Variants in PIEZO2 observed in about 807,000 individuals in gnomAD.
PIEZO2 encodes piezo-type mechanosensitive ion channel component 2.
A neutral mutation model predicts 337.3 loss-of-function variants in PIEZO2; 172 were observed. That is an observed-to-expected ratio of 0.51 (90% CI 0.45 to 0.58). The LOEUF is 0.58. Ranked by LOEUF, PIEZO2 falls within the 20% of genes least tolerant of loss-of-function variation. The probability of loss-of-function intolerance (pLI) is 0.00; values close to 1 mark genes in which losing one functional copy is unlikely to be tolerated. For synonymous variants in PIEZO2, 1,251 were observed against 1,228.5 expected (o/e 1.02, Z -0.38); for missense variants, 3,028 against 3,391.3 (o/e 0.89, Z 2.66).
At chr18:10,728,529 T>C (rs1213885980) in intron 36 of PIEZO2, 1 of 152,174 alleles carries the variant, frequency 6.6e-6, no homozygotes, top group East Asian at 1.9e-4. Context: ...GAATAAATTA[T>C]GCATATCTGC....
At position 11,125,745 on chromosome 18, in the gene PIEZO2, G is replaced by A. The variant is rs1369026470; in HGVS notation, c.64+22780C>T. 1.3e-5 allele frequency among the ~76,000 whole-genome samples: 2 copies of A among 152,194 alleles called. No individual in the cohort carries two copies. The highest frequency in any genetic ancestry group is 2.1e-4 in the South Asian group (1 of 4,824). ...TCCAGCCCCCACTGACAGCAACTCC[G>A]GATCCTCTCTCTGAGCAGTGCCAAT... is the stretch of plus-strand genomic sequence containing the variant. On this transcript the variant is annotated intron_variant, in intron 1 of 55. Coordinates refer to ENST00000674853, the MANE Select transcript of PIEZO2 (RefSeq NM_001378183.1). The surrounding 1 kb of genome is among the most constrained non-coding windows in gnomAD (Gnocchi z 4.4).
At chr18:10,926,981 T>C (rs1360915024) in intron 3 of PIEZO2, among the ~76,000 whole-genome samples, 1 of 152,222 alleles carries the variant, frequency 6.6e-6, no homozygotes, top group Non-Finnish European at 1.5e-5. Flanking sequence ...CCTATCTCCT[T>C]TTGTGAAAGA....
At chr18:10,763,300 A>C in intron 21 of PIEZO2, 1 of 586,258 alleles carries the variant, frequency 1.7e-6, no homozygotes, top group Non-Finnish European at 3.0e-6. Flanking sequence ...TATGTCTTGT[A>C]TGGCAGACAG....
Position 11,148,608 on chromosome 18 carries a change from G to C in PIEZO2, c.-20C>G, listed in dbSNP as rs1329539983. Reference sequence around the variant, plus strand: ...GGCCATCGCGTCGGTCCGGCGAGTCGGAGCAGAGGGGCGAGGCTCGAGGGT... The same window carrying C: ...GGCCATCGCGTCGGTCCGGCGAGTCCGAGCAGAGGGGCGAGGCTCGAGGGT... On this transcript the variant is annotated 5_prime_UTR_variant, in exon 1 of 56. Coordinates refer to ENST00000674853, the MANE Select transcript of PIEZO2 (RefSeq NM_001378183.1). The surrounding 1 kb of genome is among the most constrained non-coding windows in gnomAD (Gnocchi z 5.2). 4 of 1,536,590 alleles carry C rather than the reference G, an allele frequency of 2.6e-6. No individual in the cohort carries two copies. In the African/African-American group the frequency reaches 4.1e-5, roughly 16 times the overall value.
chr18:10,916,472 T>C lies in PIEZO2; in HGVS notation c.287-5244A>G, dbSNP rs920871168. On this transcript the variant is annotated intron_variant, in intron 3 of 55. Transcript: ENST00000674853. The stretch of plus-strand genomic sequence containing the variant: ...CTTGGTGAGAATTTGAGCATGGCGC[T>C]GGCGGCCCAGGAGTGCTGGGGGACC... Among the ~76,000 whole-genome samples the C allele has an allele frequency of 6.6e-5, 10 of 152,258 alleles. No homozygotes were observed. In the Middle Eastern group the frequency reaches 0.01, roughly 155 times the overall value.
rs2038177646 is a variant in PIEZO2 at position 10,762,520 on chromosome 18, G to C, written c.3229C>G (p.Pro1077Ala). Reference sequence around the variant, plus strand: ...ATTACCCTCAGGTAGACTAGCAGAGGCGAAGACTTCCGCAGGCCGACCCAC... The same window carrying C: ...ATTACCCTCAGGTAGACTAGCAGAGCCGAAGACTTCCGCAGGCCGACCCAC... ...TEWVGLRKSS[P>A]LLVYLRNNLL... The change falls in exon 23 of 56, where the codon CCT becomes GCT. Residue 1077 changes from proline to alanine, a missense_variant. Physicochemically the swap from Pro to Ala is conservative, Grantham distance 27 (BLOSUM62 -1). Transcript: ENST00000674853. The C allele has an allele frequency of 5.9e-6, 9 of 1,537,176 alleles. No individual in the cohort carries two copies. The highest frequency in any genetic ancestry group is 7.8e-6 in the Non-Finnish European group (9 of 1,146,924).
Position 10,752,731 on chromosome 18 carries a change from C to T in PIEZO2, c.4072G>A (p.Asp1358Asn). 18 of 1,537,232 alleles carry T rather than the reference C, an allele frequency of 1.2e-5. No homozygotes were observed. The highest frequency in any genetic ancestry group is 1.4e-5 in the Non-Finnish European group (16 of 1,146,906). ...CTCTTGATGGGTTTCAACAGCAAAT[C>T]GCCCCCAAAGAGCAGGAAGTAGAAA... is the stretch of plus-strand genomic sequence containing the variant. ...ACFYFLLFGGDLLLKPIKSIL... is the reference protein window; with the variant it reads ...ACFYFLLFGGNLLLKPIKSIL... The change falls in exon 28 of 56, where the codon GAT becomes AAT. Residue 1358 changes from aspartate to asparagine, a missense_variant. By Grantham distance (23) the Asp-to-Asn change is conservative. Coordinates refer to ENST00000674853, the MANE Select transcript of PIEZO2 (RefSeq NM_001378183.1).
rs2039707708 is a variant in PIEZO2 at position 11,110,773 on chromosome 18, C to T, written c.64+37752G>A. Among the ~76,000 whole-genome samples the T allele has an allele frequency of 6.6e-6, 1 of 152,038 alleles. No homozygotes were observed. On this transcript the variant is annotated intron_variant, in intron 1 of 55. Transcript: ENST00000674853. This position sits in a 1 kb window ranked among gnomAD's most constrained non-coding sequence, Gnocchi z 4.2. ...CAAGCTGATGGCAGGCAGCTCTGGCCCACGTGTGCGTTTCCTTTGGAACAC... is the reference window on the plus strand; with the variant it reads ...CAAGCTGATGGCAGGCAGCTCTGGCTCACGTGTGCGTTTCCTTTGGAACAC...
At chr18:10,710,267 C>G (rs1368745368) in intron 39 of PIEZO2, among the ~76,000 whole-genome samples, 1 of 152,148 alleles carries the variant, frequency 6.6e-6, no homozygotes, top group Non-Finnish European at 1.5e-5. Flanking sequence ...GGTAGGGCAA[C>G]TAATACATCA....
At position 10,993,509 on chromosome 18, in the gene PIEZO2, C is replaced by T. The variant is rs188116124; in HGVS notation, c.161-13849G>A. On this transcript the variant is annotated intron_variant, in intron 2 of 55. Transcript: ENST00000674853. The surrounding 1 kb of genome is among the most constrained non-coding windows in gnomAD (Gnocchi z 5.0). ...TTGGTTCTGTTTATGTGATAGATTA[C>T]GTTTTTGTTGTTGTTGTTGTTGTTG... is the stretch of plus-strand genomic sequence containing the variant. 1.8e-3 allele frequency among the ~76,000 whole-genome samples: 266 copies of T among 149,922 alleles called. No homozygotes were observed. Among genetic ancestry groups the T allele is most frequent in the Non-Finnish European group, 2.9e-3 (200 of 67,842 alleles).
chr18:10,739,411 T>C (rs1453907823), intron 33 of PIEZO2: 2 of 152,202 alleles, frequency 1.3e-5, no homozygotes, highest in Non-Finnish European at 2.9e-5. Flanking sequence ...GTAAGATAGT[T>C]ATCACAGACC....
chr18:10,937,065 T>C (rs1311873000), intron 3 of PIEZO2, among the ~76,000 whole-genome samples: 2 of 152,216 alleles, frequency 1.3e-5, no homozygotes, highest in African/African-American at 2.4e-5. Context: ...TCCAGCTTAC[T>C]GTCATCAAGA....
At chr18:10,873,913 G>C (rs529089185) in intron 4 of PIEZO2, among the ~76,000 whole-genome samples, 1 of 152,038 alleles carries the variant, frequency 6.6e-6, no homozygotes, top group African/African-American at 2.4e-5. Context: ...TCTGGACAAA[G>C]ATTTTTTTGG....
In PIEZO2 at chr18:10,830,143, C is replaced by A. The variant is rs557383859; in HGVS notation, c.918-22869G>T. Reference sequence around the variant, plus strand: ...ATAGGGAAGCCAGTAATTCATACATCTACAGTGAACTTGCTTTTGACAAAG... The same window carrying A: ...ATAGGGAAGCCAGTAATTCATACATATACAGTGAACTTGCTTTTGACAAAG... On this transcript the variant is annotated intron_variant, in intron 7 of 55. Transcript: ENST00000674853. The surrounding 1 kb of genome is among the most constrained non-coding windows in gnomAD (Gnocchi z 4.7). Among the ~76,000 whole-genome samples, 1 of 152,222 alleles carries A rather than the reference C, an allele frequency of 6.6e-6. No homozygotes were observed. Among genetic ancestry groups the A allele is most frequent in the East Asian group, 1.9e-4 (1 of 5,166 alleles).
At chr18:10,779,457 C>T (rs555341049) in intron 18 of PIEZO2, among the ~76,000 whole-genome samples, 17 of 152,244 alleles carry the variant, frequency 1.1e-4, no homozygotes, top group African/African-American at 2.6e-4. Context: ...ACCTATTGCA[C>T]GACATTTATC....
chr18:10,772,314 G>T (rs143882494), intron 20 of PIEZO2, among the ~76,000 whole-genome samples: 2 of 152,160 alleles, frequency 1.3e-5, no homozygotes, highest in Admixed American at 1.3e-4. Flanking sequence ...TGATTTAGAC[G>T]TGTAGCTGCC....
chr18:10,944,542 A>ATC (rs1429411392), intron 3 of PIEZO2, among the ~76,000 whole-genome samples: 12 of 140,878 alleles, frequency 8.5e-5, no homozygotes, highest in Non-Finnish European at 1.7e-4. Context: ...ATATATATAT[A>ATC]TATCTTAGTA....
At chr18:10,823,013 T>A (rs969168522) in intron 7 of PIEZO2, among the ~76,000 whole-genome samples, 1 of 152,204 alleles carries the variant, frequency 6.6e-6, no homozygotes, top group African/African-American at 2.4e-5. Context: ...AATACTAAGA[T>A]GATTTGAAAA....
Position 11,128,981 on chromosome 18 carries a change from T to G in PIEZO2, c.64+19544A>C, listed in dbSNP as rs1477099717. ...TGTTTAATGTTGCAGATCAGGGAGT[T>G]AAAAAAGGTTCTAATAGTTTATTTG... On this transcript the variant is annotated intron_variant, in intron 1 of 55. Coordinates refer to ENST00000674853, the MANE Select transcript of PIEZO2 (RefSeq NM_001378183.1). This position sits in a 1 kb window ranked among gnomAD's most constrained non-coding sequence, Gnocchi z 4.1. 6.6e-6 allele frequency among the ~76,000 whole-genome samples: 1 copy of G among 152,112 alleles called. No homozygotes were observed. Among genetic ancestry groups the G allele is most frequent in the Non-Finnish European group, 1.5e-5 (1 of 68,006 alleles).
Sources: allele counts gnomAD v4.1 joint callset (sites outside exome capture counted in the v4.1 genomes callset), GRCh38; gene constraint gnomAD v4.1.1; non-coding constraint Gnocchi (gnomAD v3.1); transcripts MANE v1.5; gene names NCBI Gene and HGNC (gene_info 2026-07-23, HGNC 2026-07-21).